The following SCML4 variants were observed in gnomAD, a reference collection of about 807,000 sequenced individuals.
The protein encoded by SCML4 is Scm polycomb group protein like 4, also known as sex comb on midleg-like protein 4.
A neutral mutation model predicts 41.1 loss-of-function variants in SCML4; 34 were observed. The observed-to-expected ratio is 0.83, with a 90% confidence interval of 0.63 to 1.10. SCML4 has a LOEUF of 1.10. Among genes scored for constraint, SCML4 ranks in the 50% least tolerant of loss-of-function variants. The pLI, the probability that SCML4 is intolerant of heterozygous loss-of-function variation, is 0.00. For missense variants in SCML4, 522 were observed against 534.1 expected, an observed-to-expected ratio of 0.98 and a Z score of 0.22; for synonymous variants, 214 against 220.9, an observed-to-expected ratio of 0.97 and a Z score of 0.28.
intron 2 of SCML4, among the ~76,000 whole-genome samples, chr6:107,769,520 T>TGTTATACA (rs1198447508): frequency 2.2e-4 from 34 of 152,186 alleles, no homozygotes; most frequent in African/African-American, 7.0e-4. Flanking sequence ...AAGTGACAAA[T>TGTTATACA]GTCAACCAGC....
intron 3 of SCML4, among the ~76,000 whole-genome samples, chr6:107,748,236 C>A (rs905064136): frequency 3.3e-5 from 5 of 152,038 alleles, no homozygotes; most frequent in Admixed American, 2.0e-4. Flanking sequence ...ATTAATGACC[C>A]CTCTTGTGTA....
Position 107,708,010 on chromosome 6 carries a change from G to A in SCML4, c.975C>T (p.Ala325=). The stretch of plus-strand genomic sequence containing the variant: ...CCTGCGCATCCTGAGAAGGGCTTGA[G>A]GCTGGATGGGGCACAGAGAGGGAGA... ...NTTSLEGNRC[A]SSPSQDAQDA... The change falls in exon 7 of 8, where the codon GCC becomes GCT. Residue 325 remains alanine (A), a splice_region_variant and synonymous_variant. Coordinates refer to ENST00000369020, the MANE Select transcript of SCML4 (RefSeq NM_198081.5). The A allele has an allele frequency of 1.3e-6, 2 of 1,550,284 alleles. No individual in the cohort carries two copies. The highest frequency in any genetic ancestry group is 1.7e-6 in the Non-Finnish European group (2 of 1,146,998).
intron 2 of SCML4, among the ~76,000 whole-genome samples, chr6:107,751,915 G>A (rs187829335): frequency 2.0e-5 from 3 of 152,244 alleles, no homozygotes; most frequent in African/African-American, 7.2e-5. Context: ...TTACAGGCGT[G>A]AGCCACTGTG....
intron 2 of SCML4, among the ~76,000 whole-genome samples, chr6:107,757,976 T>A (rs1001677254): frequency 6.6e-6 from 1 of 152,126 alleles, no homozygotes; most frequent in African/African-American, 2.4e-5. Flanking sequence ...TTCCAATCCA[T>A]CTTGAAATGG....
chr6:107,803,543 G>C (rs1285932373), intron 1 of SCML4, among the ~76,000 whole-genome samples: 1 of 149,568 alleles, frequency 6.7e-6, no homozygotes, highest in Non-Finnish European at 1.5e-5. Context: ...CCCCGTCTGG[G>C]AGGTGTACTC....
chr6:107,821,061 C>T (rs1274939472), intron 1 of SCML4, among the ~76,000 whole-genome samples: 1 of 152,174 alleles, frequency 6.6e-6, no homozygotes, highest in African/African-American at 2.4e-5. Flanking sequence ...TTCCAGAGAA[C>T]TTACTAGGCT....
At chr6:107,707,807 C>T in intron 7 of SCML4, 59 bp downstream of exon 7, 3 of 1,549,432 alleles carry the variant, frequency 1.9e-6, no homozygotes, top group East Asian at 2.4e-5. Context: ...CTGGACCTCA[C>T]TCTCCTTCTG....
chr6:107,732,135 C>T (rs963414352), intron 5 of SCML4: 3 of 152,264 alleles, frequency 2.0e-5, no homozygotes, highest in African/African-American at 7.2e-5. Flanking sequence ...TCCTCCCCTG[C>T]ATGCAGCCTT....
chr6:107,830,059 T>C, the SCML4 span, among the ~76,000 whole-genome samples: 2 of 152,174 alleles, frequency 1.3e-5, no homozygotes, highest in Admixed American at 1.3e-4. Flanking sequence ...GGGTGCTTAG[T>C]GCAGCCAATA....
At chr6:107,772,014 G>A (rs1360475252) in intron 2 of SCML4, among the ~76,000 whole-genome samples, 158 bp downstream of exon 2, 1 of 152,132 alleles carries the variant, frequency 6.6e-6, no homozygotes, top group Non-Finnish European at 1.5e-5. Context: ...TTGTAACAGT[G>A]AGACCTCATC....
At chr6:107,754,642 T>C in intron 2 of SCML4, among the ~76,000 whole-genome samples, 1 of 152,222 alleles carries the variant, frequency 6.6e-6, no homozygotes, top group Non-Finnish European at 1.5e-5. Context: ...AAAATGGAAT[T>C]GGCAAATTAT....
chr6:107,824,745 T>C (rs560095760), upstream of SCML4, among the ~76,000 whole-genome samples: 73 of 152,286 alleles, frequency 4.8e-4, 1 homozygote, highest in South Asian at 8.1e-3. Context: ...GTCCCAATCC[T>C]GCAGCAGTGT....
intron 2 of SCML4, among the ~76,000 whole-genome samples, chr6:107,763,058 T>C (rs948979358): frequency 7.9e-5 from 12 of 151,978 alleles, no homozygotes; most frequent in African/African-American, 2.9e-4. Context: ...AATTCATTTA[T>C]TTTTTGTAGA....
chr6:107,803,380 G>T (rs1259003287), intron 1 of SCML4, among the ~76,000 whole-genome samples: 1 of 149,718 alleles, frequency 6.7e-6, no homozygotes, highest in Non-Finnish European at 1.5e-5. Context: ...GAGGGAGGTG[G>T]GGGTCAGCCC....
Position 107,792,821 on chromosome 6 carries a change from G to A in SCML4, c.-59-20435C>T, listed in dbSNP as rs538294818. 3.9e-5 allele frequency among the ~76,000 whole-genome samples: 6 copies of A among 152,206 alleles called. 1 individual carries two copies. The East Asian group carries it at 1.2e-3, about 29-fold the overall frequency. ...AAGCCTTGCTATTTGAAAAAGATTTGAGAATATTGCTAATGACAAACCTCA... is the reference window on the plus strand; with the variant it reads ...AAGCCTTGCTATTTGAAAAAGATTTAAGAATATTGCTAATGACAAACCTCA... On this transcript the variant is annotated intron_variant, in intron 1 of 7. Transcript: ENST00000369020.
At chr6:107,788,672 T>C (rs993632795) in intron 1 of SCML4, among the ~76,000 whole-genome samples, 1 of 151,922 alleles carries the variant, frequency 6.6e-6, no homozygotes, top group Non-Finnish European at 1.5e-5. Flanking sequence ...CACCCTGGTA[T>C]TAGGGAGGGT....
At chr6:107,779,007 C>G (rs1781264125) in intron 1 of SCML4, among the ~76,000 whole-genome samples, 1 of 151,852 alleles carries the variant, frequency 6.6e-6, no homozygotes, top group Non-Finnish European at 1.5e-5. Flanking sequence ...CGTGAAACCC[C>G]GTCTCTACTA....
chr6:107,807,627 A>G (rs1419471209), intron 1 of SCML4, among the ~76,000 whole-genome samples: 1 of 152,222 alleles, frequency 6.6e-6, no homozygotes, highest in Non-Finnish European at 1.5e-5. Flanking sequence ...TTACAATGTT[A>G]TTGTCATATT....
chr6:107,821,517 A>G (rs1784941678), intron 1 of SCML4, among the ~76,000 whole-genome samples: 1 of 152,180 alleles, frequency 6.6e-6, no homozygotes, highest in Non-Finnish European at 1.5e-5. Flanking sequence ...GTTAGACAAG[A>G]TTTTACGCTC....
Sources: allele counts gnomAD v4.1 joint callset (sites outside exome capture counted in the v4.1 genomes callset), GRCh38; gene constraint gnomAD v4.1.1; transcripts MANE v1.5; gene names NCBI Gene and HGNC (gene_info 2026-07-23, HGNC 2026-07-21).